Variants in ARMCX4 observed in about 807,000 individuals in gnomAD.
ARMCX4 encodes armadillo repeat-containing X-linked protein 4.
A neutral mutation model predicts 34.7 loss-of-function variants in ARMCX4; 3 were observed. The observed-to-expected ratio is 0.09, with a 90% CI of 0.04 to 0.22. ARMCX4 has a LOEUF of 0.22. ARMCX4 is among the 10% of genes least tolerant of loss of function. The probability of loss-of-function intolerance (pLI) is 1.00; values close to 1 mark genes in which losing one functional copy is unlikely to be tolerated. For missense variants in ARMCX4, 1,448 were observed against 1,720.8 expected (o/e 0.84, Z 2.81); for synonymous variants, 513 against 632.8 (o/e 0.81, Z 2.84).
chrX:101,485,354 T>C (rs1306496534), upstream of ARMCX4: 1 of 127,560 alleles, frequency 7.8e-6, no homozygotes, highest in Non-Finnish European at 1.4e-5. Context: ...CGGCCCTTGG[T>C]GGGTGGTAGG....
chrX:101,512,513 T>A (rs1934601942), intron 11 of ARMCX4, among the ~76,000 whole-genome samples: 1 of 111,531 alleles, frequency 9.0e-6, no homozygotes, highest in Non-Finnish European at 1.9e-5. Context: ...CTCATCATCA[T>A]CATTCATGGG....
At position 101,432,622 on chromosome X, in the gene ARMCX4, C is replaced by A. The variant is rs782455636; in HGVS notation, n.165-11430C>A. ...GTTGCAGTGAGCCGAGATCCTGCCC[C>A]TGCACTCCAGCCTGGCAACAGAGCG... On this transcript the variant is annotated intron_variant and non_coding_transcript_variant, in intron 2 of 3. Coordinates refer to the ARMCX4 transcript ENST00000430461. Among the ~76,000 whole-genome samples, 12 of 108,646 alleles carry A rather than the reference C, an allele frequency of 1.1e-4. No individual in the cohort carries two copies. In the South Asian group the frequency reaches 4.3e-3, roughly 39 times the overall value. The allele number at this position is 108,646 out of a possible 115,157, so 94.3% of individuals were successfully genotyped here.
intron 2 of ARMCX4, chrX:101,443,664 T>C (rs782273963): frequency 1.0e-5 from 2 of 197,480 alleles, no homozygotes; most frequent in African/African-American, 6.0e-5. Context: ...GATCTGGTGG[T>C]TAAAACACAA....
intron 11 of ARMCX4, among the ~76,000 whole-genome samples, chrX:101,525,258 C>G (rs1438330193): frequency 8.9e-6 from 1 of 112,017 alleles, no homozygotes; most frequent in African/African-American, 3.3e-5. Context: ...AACTAACAAA[C>G]AGGAATAGCA....
chrX:101,455,437 G>A (rs1932225018), intron 4 of ARMCX4, among the ~76,000 whole-genome samples: 1 of 110,251 alleles, frequency 9.1e-6, no homozygotes, highest in Admixed American at 9.7e-5. Context: ...TTTTTTCAAG[G>A]TATTAAGCAA....
rs1569333877 is a variant in ARMCX4, at chrX:101,487,616, G to C, written c.-278G>C. The C allele has an allele frequency of 1.0e-6, 1 of 961,131 alleles. No individual in the cohort carries two copies. Among genetic ancestry groups the C allele is most frequent in the Admixed American group, 3.0e-5 (1 of 33,028 alleles). The allele number at this position is 961,131 out of a possible 1,213,427, so 79.2% of individuals were successfully genotyped here. On this transcript the variant is annotated 5_prime_UTR_variant, in exon 4 of 6. Transcript: ENST00000423738. The stretch of plus-strand genomic sequence containing the variant: ...TGTTTACTTGTCCATAGATCTGCCT[G>C]CATGTCTGCTGCAGGGCTTAAGATC...
chrX:101,471,430 C>T (rs1256979512), intron 4 of ARMCX4, among the ~76,000 whole-genome samples: 1 of 112,282 alleles, frequency 8.9e-6, no homozygotes, highest in African/African-American at 3.2e-5. Flanking sequence ...TGCTAGAAAC[C>T]TTATGGCTTT....
chrX:101,431,861 G>T (rs1930049335), intron 2 of ARMCX4, among the ~76,000 whole-genome samples: 1 of 112,177 alleles, frequency 8.9e-6, no homozygotes, highest in Admixed American at 9.5e-5. Flanking sequence ...GTTTCTTAAA[G>T]GCATATATAG....
intron 2 of ARMCX4, among the ~76,000 whole-genome samples, chrX:101,432,714 A>G (rs948324053): frequency 1.1e-4 from 11 of 104,694 alleles, no homozygotes; most frequent in African/African-American, 3.8e-4. Context: ...ATATATGTAT[A>G]CATATATGTA....
chrX:101,443,941 G>T, intron 2 of ARMCX4: 1 of 380,133 alleles, frequency 2.6e-6, no homozygotes, highest in South Asian at 2.6e-5. Flanking sequence ...TCTCCCCATA[G>T]TTGGAATTGC....
intron 2 of ARMCX4, among the ~76,000 whole-genome samples, chrX:101,433,562 A>G (rs1362879879): frequency 2.7e-5 from 3 of 111,634 alleles, no homozygotes; most frequent in African/African-American, 9.8e-5. Flanking sequence ...TCCTCATCTG[A>G]TCCATGTGGA....
At chrX:101,534,486 T>TA (rs1454252833), downstream of ARMCX4, among the ~76,000 whole-genome samples, 1 of 110,986 alleles carries the variant, frequency 9.0e-6, no homozygotes, top group Non-Finnish European at 1.9e-5. Context: ...ATTATGAAGA[T>TA]ACTATAGTTA....
At chrX:101,444,050 A>G (rs1194398158) in intron 2 of ARMCX4, 1 of 363,885 alleles carries the variant, frequency 2.7e-6, no homozygotes, top group African/African-American at 2.6e-5. Flanking sequence ...ATTTCTCTCC[A>G]GTGCTCAGAG....
At chrX:101,446,718 T>C (rs992486981), downstream of ARMCX4, among the ~76,000 whole-genome samples, 19 of 110,572 alleles carry the variant, frequency 1.7e-4, 1 homozygote, top group Non-Finnish European at 3.8e-5. Context: ...CACTTTGGGA[T>C]GCTGAGGCGG....
At chrX:101,460,129 T>A (rs782610837) in intron 4 of ARMCX4, among the ~76,000 whole-genome samples, 1 of 112,875 alleles carries the variant, frequency 8.9e-6, no homozygotes. Flanking sequence ...CTTTACAAGG[T>A]ACATAGAGAA....
intron 3 of ARMCX4, among the ~76,000 whole-genome samples, chrX:101,445,383 C>G (rs1432610115): frequency 1.8e-5 from 2 of 111,813 alleles, no homozygotes; most frequent in East Asian, 2.8e-4. Flanking sequence ...TCAAAAGACT[C>G]CTTCATTTTT....
chrX:101,474,995 A>G (rs1364879102), intron 4 of ARMCX4, among the ~76,000 whole-genome samples: 5 of 108,489 alleles, frequency 4.6e-5, no homozygotes, highest in African/African-American at 6.7e-5. Context: ...AAAAAAAAAA[A>G]AAAAGAAAAA....
chrX:101,448,575 G>A (rs782561515), downstream of ARMCX4, among the ~76,000 whole-genome samples: 264 of 111,514 alleles, frequency 2.4e-3, 3 homozygotes, highest in African/African-American at 8.1e-3. Flanking sequence ...GTATCTCATT[G>A]TAGGTTTTTT....
At chrX:101,442,215 A>G (rs1371616496) in intron 2 of ARMCX4, among the ~76,000 whole-genome samples, 1 of 112,408 alleles carries the variant, frequency 8.9e-6, no homozygotes, top group East Asian at 2.8e-4. Flanking sequence ...TCAGCAAAAA[A>G]ATGAAGAATG....
Sources: gnomAD v4.1 joint callset for allele counts (sites outside exome capture counted in the v4.1 genomes callset) on GRCh38, gnomAD v4.1.1 for gene constraint, MANE v1.5 for transcripts, NCBI Gene and HGNC (gene_info 2026-07-23, HGNC 2026-07-21) for gene names.